MTFR2: variants seen among roughly 807,000 people sequenced by gnomAD.
MTFR2 encodes the protein DUF729 domain-containing protein 1.
Under a neutral mutation model 41.2 loss-of-function variants are expected in MTFR2, and 44 were observed. The ratio of observed to expected loss-of-function variants is 1.07; its 90% CI spans 0.84 to 1.37. The LOEUF (loss-of-function observed/expected upper bound fraction) is 1.37, where lower values mean the gene tolerates loss of function less well. Among genes scored for constraint, MTFR2 ranks in the 40% most tolerant of loss-of-function variants. The pLI is 0.00. For synonymous variants in MTFR2, 141 were observed against 154.6 expected (o/e 0.91, Z 0.65); for missense variants, 452 against 459.5 (o/e 0.98, Z 0.15).
intron 5 of MTFR2, among the ~76,000 whole-genome samples, chr6:136,240,901 CTAA>C (rs1780043320): frequency 6.6e-6 from 1 of 152,116 alleles, no homozygotes; most frequent in Non-Finnish European, 1.5e-5. Flanking sequence ...ACCATCCTGG[CTAA>C]CACGGTGAAA....
intron 6 of MTFR2, among the ~76,000 whole-genome samples, chr6:136,238,992 C>A (rs1450215672): frequency 6.6e-6 from 1 of 152,100 alleles, no homozygotes; most frequent in African/African-American, 2.4e-5. Flanking sequence ...CACTTGAGCC[C>A]AGGAGGTCGA....
At chr6:136,244,471 A>C (rs939681734) in intron 3 of MTFR2, among the ~76,000 whole-genome samples, 7 of 152,250 alleles carry the variant, frequency 4.6e-5, no homozygotes, top group Non-Finnish European at 1.0e-4. Context: ...GGTGCATAAT[A>C]GGCCATATAC....
intron 6 of MTFR2, among the ~76,000 whole-genome samples, chr6:136,234,033 G>C (rs1365400860): frequency 6.6e-6 from 1 of 151,910 alleles, no homozygotes; most frequent in African/African-American, 2.4e-5. Flanking sequence ...TAAGAGCTGT[G>C]AATAAAACAA....
intron 6 of MTFR2, among the ~76,000 whole-genome samples, chr6:136,234,328 TTAAAAAA>T (rs887822958): frequency 1.4e-5 from 2 of 141,452 alleles, no homozygotes; most frequent in Non-Finnish European, 3.1e-5. Context: ...AAAAACTAAA[TTAAAAAA>T]TAAAAAATAG....
At chr6:136,233,944 T>C (rs1182676665) in intron 6 of MTFR2, among the ~76,000 whole-genome samples, 1 of 152,176 alleles carries the variant, frequency 6.6e-6, no homozygotes, top group African/African-American at 2.4e-5. Flanking sequence ...GACTCCATTT[T>C]ATGCTTTGGG....
At chr6:136,240,863 G>T (rs7752988) in intron 5 of MTFR2, among the ~76,000 whole-genome samples, 2 of 140,020 alleles carry the variant, frequency 1.4e-5, no homozygotes, top group Non-Finnish European at 2.9e-5. Context: ...AGGCCAAGGC[G>T]GGCAGATCAC....
Position 136,244,842 on chromosome 6 carries a change from A to G in MTFR2, c.91T>C (p.Tyr31His), listed in dbSNP as rs760132374. The change falls in exon 3 of 8, where the codon TAT becomes CAT. Residue 31 changes from tyrosine to histidine, a missense_variant. By Grantham distance (83) the Tyr-to-His change is moderately conservative. Transcript: ENST00000420702. ...QVLLIWENKD[Y>H]GSTRSIVRII... is the part of the protein sequence containing the mutation. ...CGAACAATACTCCTAGTTGATCCAT[A>G]GTCTTTATTTTCCCAAATCAGCAAA... is the stretch of plus-strand genomic sequence containing the variant. The G allele has an allele frequency of 1.2e-6, 2 of 1,611,422 alleles. No homozygotes were observed. The highest frequency in any genetic ancestry group is 2.2e-5 in the South Asian group (2 of 90,342).
chr6:136,233,518 A>C lies in MTFR2; in HGVS notation c.870-19T>G. 1.4e-6 allele frequency: 2 copies of C among 1,467,692 alleles called. No individual in the cohort carries two copies. Among genetic ancestry groups the C allele is most frequent in the Non-Finnish European group, 1.8e-6 (2 of 1,102,246 alleles). 90.9% of individuals were successfully genotyped at this position (1,467,692 alleles called of 1,614,324 possible). The stretch of plus-strand genomic sequence containing the variant: ...AGGTGACCTATTTTTTAAAAAAAAA[A>C]ATTGAATTTATTAAAACTTGGATGT... On this transcript the variant is annotated intron_variant, in intron 6 of 7. Coordinates refer to ENST00000420702, the MANE Select transcript of MTFR2 (RefSeq NM_001099286.3).
At chr6:136,233,003 T>C (rs1020932006) in intron 7 of MTFR2, 5 of 205,910 alleles carry the variant, frequency 2.4e-5, no homozygotes, top group South Asian at 1.7e-4. Flanking sequence ...CATTCTTCCC[T>C]GGCCCTCTCA....
chr6:136,239,745 T>C lies in MTFR2; in HGVS notation c.590A>G (p.Asp197Gly). ...CACTGAACCTGGAAGCTGATCTGGG[T>C]CCACACTCAGATGGGCAGCCCGCGA... ...SSSRAAHLSV[D>G]PDQLPGSVLS... Residue 197 changes from aspartate (D) to glycine (G), a missense_variant, in exon 6 of 8, where the codon GAC (aspartate) becomes GGC (glycine). Coordinates refer to ENST00000420702, the MANE Select transcript of MTFR2 (RefSeq NM_001099286.3). 6.2e-7 allele frequency: 1 copy of C among 1,613,956 alleles called. No homozygotes were observed. The highest frequency in any genetic ancestry group is 8.5e-7 in the Non-Finnish European group (1 of 1,179,974).
chr6:136,238,557 A>C (rs964032883), intron 6 of MTFR2, among the ~76,000 whole-genome samples: 1 of 152,206 alleles, frequency 6.6e-6, no homozygotes, highest in Admixed American at 6.5e-5. Context: ...CAGTGAGTAT[A>C]AAATTTCAGT....
At chr6:136,241,016 G>T (rs888929794) in intron 5 of MTFR2, among the ~76,000 whole-genome samples, 1 of 149,640 alleles carries the variant, frequency 6.7e-6, no homozygotes, top group East Asian at 1.9e-4. Context: ...GCGTGAACCC[G>T]GGAGGTGGAG....
chr6:136,240,492 A>C lies in MTFR2; in HGVS notation c.515-672T>G, dbSNP rs1047751188. Among the ~76,000 whole-genome samples, 8 of 152,200 alleles carry C rather than the reference A, an allele frequency of 5.3e-5. No individual in the cohort carries two copies. In the South Asian group the frequency reaches 6.2e-4, roughly 12 times the overall value. On this transcript the variant is annotated intron_variant, in intron 5 of 7. Transcript: ENST00000420702. The stretch of plus-strand genomic sequence containing the variant: ...ACATATGTATTAAAAAATTTTTAGC[A>C]ATTATATTTACACACAGCCCTTTAC...
intron 2 of MTFR2, among the ~76,000 whole-genome samples, chr6:136,246,160 T>C (rs1780206804): frequency 6.6e-6 from 1 of 152,218 alleles, no homozygotes; most frequent in African/African-American, 2.4e-5. Flanking sequence ...TAGTTCTTAG[T>C]TAATTTAAAT....
At chr6:136,248,885 C>T in intron 2 of MTFR2, 152 bp downstream of exon 2, 2 of 626,244 alleles carry the variant, frequency 3.2e-6, no homozygotes, top group South Asian at 4.1e-5. Context: ...TAACTCAAAT[C>T]ATCAAAGCTA....
chr6:136,248,098 T>C (rs1780259863), intron 2 of MTFR2, among the ~76,000 whole-genome samples: 1 of 152,232 alleles, frequency 6.6e-6, no homozygotes, highest in Non-Finnish European at 1.5e-5. Flanking sequence ...TATCCTTGAC[T>C]ACTTTCTTCT....
intron 6 of MTFR2, among the ~76,000 whole-genome samples, chr6:136,233,971 T>G (rs943554364): frequency 6.6e-6 from 1 of 152,182 alleles, no homozygotes; most frequent in Non-Finnish European, 1.5e-5. Flanking sequence ...CTGCTCCCAA[T>G]TCTTACAGCA....
At chr6:136,247,516 CTG>C (rs1780242299) in intron 2 of MTFR2, 1 of 456,228 alleles carries the variant, frequency 2.2e-6, no homozygotes, top group Non-Finnish European at 4.4e-6. Context: ...TTCTTCCTGT[CTG>C]TTTCTTCCAG....
chr6:136,241,008 G>C (rs553888113), intron 5 of MTFR2, among the ~76,000 whole-genome samples: 3 of 151,564 alleles, frequency 2.0e-5, no homozygotes, highest in Admixed American at 1.3e-4. Flanking sequence ...GGAGAATGGC[G>C]TGAACCCGGG....
Sources: gnomAD v4.1 joint callset for allele counts (sites outside exome capture counted in the v4.1 genomes callset) on GRCh38, gnomAD v4.1.1 for gene constraint, MANE v1.5 for transcripts, NCBI Gene and HGNC (gene_info 2026-07-23, HGNC 2026-07-21) for gene names.